Variants in DOCK1 observed in about 807,000 individuals in gnomAD.
DOCK1 encodes the protein dedicator of cytokinesis 1, also known as dedicator of cytokinesis protein 1.
In DOCK1, 138 loss-of-function variants were observed where a neutral mutation model predicts 262.7. The observed-to-expected ratio is 0.53, with a 90% CI of 0.46 to 0.61. The LOEUF is 0.61. DOCK1 is among the 20% of genes least tolerant of loss of function. The probability of loss-of-function intolerance (pLI) is 0.00; values close to 1 mark genes in which losing one functional copy is unlikely to be tolerated. For missense variants in DOCK1, 1,908 were observed against 2,370.7 expected, an observed-to-expected ratio of 0.80 and a Z score of 4.05; for synonymous variants, 866 against 867.4, an observed-to-expected ratio of 1.00 and a Z score of 0.03.
At chr10:127,163,747 G>C (rs928537095) in intron 27 of DOCK1, among the ~76,000 whole-genome samples, 1 of 150,612 alleles carries the variant, frequency 6.6e-6, no homozygotes, top group African/African-American at 2.4e-5. Flanking sequence ...AAAATAAATA[G>C]CTTAGTCTTG....
chr10:127,305,823 T>C (rs772323312), intron 29 of DOCK1, among the ~76,000 whole-genome samples: 17 of 152,148 alleles, frequency 1.1e-4, no homozygotes, highest in Non-Finnish European at 2.5e-4. Context: ...GAAGTAGTTT[T>C]TCGTTTTGTT....
At position 126,954,380 on chromosome 10, in the gene DOCK1, G is replaced by T. The variant is rs901513005; in HGVS notation, c.47-16322G>T. On this transcript the variant is annotated intron_variant, in intron 1 of 51. Transcript: ENST00000623213. The stretch of plus-strand genomic sequence containing the variant: ...CAACCTCAGAACAGTCCTGGGCTCT[G>T]CTGTCACATCTTGAAATGTTTTTTC... Among the ~76,000 whole-genome samples the T allele has an allele frequency of 1.5e-4, 23 of 152,346 alleles. No homozygotes were observed. In the East Asian group the frequency reaches 4.0e-3, roughly 27 times the overall value.
At chr10:127,284,958 C>A (rs762181901) in intron 29 of DOCK1, among the ~76,000 whole-genome samples, 1 of 152,006 alleles carries the variant, frequency 6.6e-6, no homozygotes, top group Non-Finnish European at 1.5e-5. Context: ...TATAGTCAGA[C>A]CTTGTCTCTA....
chr10:127,008,822 C>G lies in DOCK1; in HGVS notation c.1058+18C>G, dbSNP rs1314921213. 1 of 1,580,412 alleles carries G rather than the reference C, an allele frequency of 6.3e-7. No homozygotes were observed. The highest frequency in any genetic ancestry group is 8.6e-7 in the Non-Finnish European group (1 of 1,159,192). On this transcript the variant is annotated intron_variant, in intron 11 of 51. Coordinates refer to ENST00000623213, the MANE Select transcript of DOCK1 (RefSeq NM_001290223.2). ...TTTCAGCCGTAAGTATGGAGCAATT[C>G]AAGTACTTAGCCAGATATAATGTGG...
At chr10:127,234,524 A>G (rs1296186535) in intron 27 of DOCK1, among the ~76,000 whole-genome samples, 1 of 152,180 alleles carries the variant, frequency 6.6e-6, no homozygotes, top group Non-Finnish European at 1.5e-5. Context: ...ACTTGAACAA[A>G]TGGAGAGACA....
At chr10:127,418,579 T>G in intron 45 of DOCK1, 38 bp downstream of exon 45, 1 of 1,589,668 alleles carries the variant, frequency 6.3e-7, no homozygotes. Context: ...CAAGCAGTCC[T>G]GCCCGGGGAC....
intron 51 of DOCK1, among the ~76,000 whole-genome samples, chr10:127,450,010 C>G (rs7897544): frequency 0.51 from 77,584 of 151,972 alleles, 20,214 homozygotes; most frequent in Middle Eastern, 0.62. Flanking sequence ...TCCTCATTGG[C>G]CTATCAGTGA....
intron 27 of DOCK1, among the ~76,000 whole-genome samples, chr10:127,140,917 T>C (rs2483854): frequency 0.82 from 124,345 of 152,166 alleles, 51,721 homozygotes; most frequent in South Asian, 0.91. Flanking sequence ...AGCGGCTTGT[T>C]CAGATAGTGC....
intron 1 of DOCK1, among the ~76,000 whole-genome samples, chr10:126,935,414 A>G (rs2034499039): frequency 6.6e-6 from 1 of 152,132 alleles, no homozygotes; most frequent in African/African-American, 2.4e-5. Context: ...GCTTGCATCC[A>G]TGTAGGAGGG....
rs780385884 is a variant in DOCK1, at chr10:127,125,555, G to C, written c.2705G>C (p.Cys902Ser). 4.3e-5 allele frequency: 69 copies of C among 1,613,830 alleles called. No individual in the cohort carries two copies. Among genetic ancestry groups the C allele is most frequent in the Non-Finnish European group, 5.8e-5 (69 of 1,179,886 alleles). Residue 902 changes from cysteine (C) to serine (S), a missense_variant, in exon 26 of 52, where the codon TGT becomes TCT. Physicochemically the swap from Cys to Ser is moderately radical, Grantham distance 112. Around this residue, in one of 9 missense-constraint regions of DOCK1, gnomAD observed 518 missense variants for 575.1 expected, o/e 0.90. Transcript: ENST00000623213. ...LERQEDLEACCQLLSHILEVL... is the reference protein window; with the variant it reads ...LERQEDLEACSQLLSHILEVL... ...AGACAGGAGGACCTGGAGGCCTGCT[G>C]TCAGCTGCTCAGCCACATCCTGGAG...
intron 27 of DOCK1, among the ~76,000 whole-genome samples, chr10:127,129,450 C>T (rs961326877): frequency 1.3e-5 from 2 of 152,128 alleles, no homozygotes; most frequent in Non-Finnish European, 2.9e-5. Context: ...CATAAATTTG[C>T]CTGCCTTTTC....
At chr10:127,380,020 G>T in intron 35 of DOCK1, 62 bp from the exon 36 acceptor site, 2 of 1,130,784 alleles carry the variant, frequency 1.8e-6, no homozygotes, top group Non-Finnish European at 2.6e-6. Flanking sequence ...AATTTTTATT[G>T]TGCATGTGAT....
At chr10:127,381,880 A>G (rs545384354) in intron 37 of DOCK1, among the ~76,000 whole-genome samples, 6 of 152,314 alleles carry the variant, frequency 3.9e-5, no homozygotes, top group Middle Eastern at 6.8e-3. Context: ...CAAGTCTGGC[A>G]TGACAACTGT....
chr10:127,369,090 C>T (rs1057448637), intron 33 of DOCK1, among the ~76,000 whole-genome samples: 1 of 152,104 alleles, frequency 6.6e-6, no homozygotes, highest in Non-Finnish European at 1.5e-5. Context: ...TCAGTGTTGC[C>T]GAGCTCCTGT....
At chr10:127,041,427 A>G (rs1317315361) in intron 19 of DOCK1, among the ~76,000 whole-genome samples, 1 of 152,200 alleles carries the variant, frequency 6.6e-6, no homozygotes, top group African/African-American at 2.4e-5. Context: ...GGCCGATAAC[A>G]TTCCATCACA....
At chr10:127,168,825 AGCG>A (rs1474816192) in intron 27 of DOCK1, among the ~76,000 whole-genome samples, 1 of 152,168 alleles carries the variant, frequency 6.6e-6, no homozygotes, top group Non-Finnish European at 1.5e-5. Context: ...CAGCTGCTGC[AGCG>A]GTGCACAATT....
At chr10:127,114,214 G>T (rs534459536) in intron 25 of DOCK1, among the ~76,000 whole-genome samples, 1 of 152,072 alleles carries the variant, frequency 6.6e-6, no homozygotes, top group Non-Finnish European at 1.5e-5. Flanking sequence ...GGTACCTAGC[G>T]CATGCCTGGC....
At chr10:127,276,088 G>A (rs2060731529) in intron 29 of DOCK1, among the ~76,000 whole-genome samples, 1 of 152,128 alleles carries the variant, frequency 6.6e-6, no homozygotes, top group African/African-American at 2.4e-5. Context: ...AACATTTCTC[G>A]ATGGATCTTG....
chr10:126,980,421 C>T (rs542358560), intron 3 of DOCK1, among the ~76,000 whole-genome samples: 1 of 152,236 alleles, frequency 6.6e-6, no homozygotes, highest in African/African-American at 2.4e-5. Context: ...TTGGTGAGCT[C>T]CTAGGCTCCT....
Sources: allele counts gnomAD v4.1 joint callset (sites outside exome capture counted in the v4.1 genomes callset), GRCh38; gene constraint gnomAD v4.1.1; regional missense constraint gnomAD v4.1.1; transcripts MANE v1.5; gene names NCBI Gene and HGNC (gene_info 2026-07-23, HGNC 2026-07-21).